PCDHA1: variants seen among roughly 807,000 people sequenced by gnomAD.
PCDHA1 encodes the protein protocadherin alpha-1.
Under a neutral mutation model 61.3 loss-of-function variants are expected in PCDHA1, and 42 were observed. That is an observed-to-expected ratio of 0.69 (90% CI 0.54 to 0.89). PCDHA1 has a LOEUF of 0.89. Ranked by LOEUF, PCDHA1 falls within the 40% of genes least tolerant of loss-of-function variation. The pLI is 0.00. For synonymous variants in PCDHA1, 610 were observed against 553.8 expected (o/e 1.10, Z -1.43); for missense variants, 1,256 against 1,235.3 (o/e 1.02, Z -0.25).
chr5:140,988,152 C>G (rs2153871090), intron 3 of PCDHA1, among the ~76,000 whole-genome samples: 1 of 152,258 alleles, frequency 6.6e-6, no homozygotes, highest in East Asian at 1.9e-4. Flanking sequence ...ACCTCAACTT[C>G]TGCCGTTGTC....
At chr5:140,851,516 TA>T in intron 1 of PCDHA1, 1 of 906,320 alleles carries the variant, frequency 1.1e-6, no homozygotes, top group Non-Finnish European at 1.3e-6. Flanking sequence ...AAATATGTTT[TA>T]AAATGCCTGA....
At chr5:140,845,420 A>T (rs954218239) in intron 1 of PCDHA1, among the ~76,000 whole-genome samples, 2 of 149,530 alleles carry the variant, frequency 1.3e-5, no homozygotes, top group Admixed American at 6.7e-5. Flanking sequence ...GCAATTTATC[A>T]TTTAAGTCAT....
chr5:140,795,059 G>C lies in PCDHA1; in HGVS notation c.2394+6375G>C, dbSNP rs563648142. 4 of 1,613,784 alleles carry C rather than the reference G, an allele frequency of 2.5e-6. No individual in the cohort carries two copies. In the African/African-American group the frequency reaches 5.3e-5, roughly 22 times the overall value. ...TGGGAGGTGGGGAGCGGCCAGCTCC[G>C]CTACTCCGTCCCCGAGGAGGCCAAA... On this transcript the variant is annotated intron_variant, in intron 1 of 3. Coordinates refer to ENST00000504120, the MANE Select transcript of PCDHA1 (RefSeq NM_018900.4).
intron 1 of PCDHA1, chr5:140,808,457 G>A (rs1554124562): frequency 6.2e-7 from 1 of 1,614,204 alleles, no homozygotes; most frequent in East Asian, 2.2e-5. Context: ...CTATGAGCTG[G>A]TGGTGACCGC....
intron 1 of PCDHA1, chr5:140,835,557 C>CG: frequency 5.0e-6 from 8 of 1,613,936 alleles, no homozygotes; most frequent in African/African-American, 1.3e-5. Context: ...CCTGACGCCC[C>CG]GCGTTCCCTT....
At chr5:140,948,371 T>G (rs1310252601) in intron 1 of PCDHA1, among the ~76,000 whole-genome samples, 1 of 151,586 alleles carries the variant, frequency 6.6e-6, no homozygotes, top group Non-Finnish European at 1.5e-5. Flanking sequence ...TTAGGAGGTG[T>G]TCCTTCCTCT....
rs1274071202 is a variant in PCDHA1, at chr5:140,805,271, A to G, written c.2394+16587A>G. Reference sequence around the variant, plus strand: ...ATTAAAATACCTGGTAAATGAAAATATTACAAATGAAATGGGTGAAAATGG... The same window carrying G: ...ATTAAAATACCTGGTAAATGAAAATGTTACAAATGAAATGGGTGAAAATGG... On this transcript the variant is annotated intron_variant, in intron 1 of 3. Transcript: ENST00000504120. 2.3e-6 allele frequency: 3 copies of G among 1,284,020 alleles called. No homozygotes were observed. The African/African-American group carries it at 4.6e-5, about 20-fold the overall frequency. 79.5% of individuals were successfully genotyped at this position (1,284,020 alleles called of 1,614,324 possible). A position where few individuals can be genotyped will look rare whatever the true frequency, so the allele number is the denominator to read the frequency against.
At chr5:140,919,127 T>A (rs2079016296) in intron 1 of PCDHA1, among the ~76,000 whole-genome samples, 1 of 152,192 alleles carries the variant, frequency 6.6e-6, no homozygotes, top group East Asian at 1.9e-4. Flanking sequence ...TTGCTTCATG[T>A]GTTTTGGGGC....
intron 1 of PCDHA1, chr5:140,807,254 G>A (rs1367583489): frequency 1.1e-5 from 18 of 1,614,118 alleles, no homozygotes; most frequent in Non-Finnish European, 1.4e-5. Context: ...TCTCCTCGCA[G>A]CCTGGGAGGC....
At chr5:140,842,322 G>A in intron 1 of PCDHA1, 1 of 1,607,612 alleles carries the variant, frequency 6.2e-7, no homozygotes, top group Non-Finnish European at 8.5e-7. Flanking sequence ...GCGGGTCATT[G>A]CACCGTTTTA....
chr5:140,956,408 C>T (rs1192859348), intron 1 of PCDHA1, among the ~76,000 whole-genome samples: 1 of 152,122 alleles, frequency 6.6e-6, no homozygotes, highest in Non-Finnish European at 1.5e-5. Context: ...TTGAGATAAT[C>T]ATGTGGGTTT....
chr5:140,939,175 C>A (rs2092330886), intron 1 of PCDHA1, among the ~76,000 whole-genome samples: 1 of 152,010 alleles, frequency 6.6e-6, no homozygotes, highest in African/African-American at 2.4e-5. Context: ...TGGTAATGGC[C>A]CACTCCCTGG....
At chr5:141,004,434 G>T (rs1383958111) in intron 3 of PCDHA1, among the ~76,000 whole-genome samples, 2 of 152,186 alleles carry the variant, frequency 1.3e-5, no homozygotes, top group Non-Finnish European at 2.9e-5. Flanking sequence ...TGGAGTTTAG[G>T]CTGAGTCATA....
At chr5:140,849,967 C>T (rs2150460775) in intron 1 of PCDHA1, 1 of 1,597,834 alleles carries the variant, frequency 6.3e-7, no homozygotes, top group East Asian at 2.2e-5. Flanking sequence ...GCCCTGGTGT[C>T]CTACTCGCTG....
At chr5:140,797,095 T>A (rs782272538) in intron 1 of PCDHA1, 4 of 1,613,926 alleles carry the variant, frequency 2.5e-6, no homozygotes, top group Non-Finnish European at 3.4e-6. Context: ...ATCCAGCCTG[T>A]TGGTGCTCAC....
At chr5:140,984,968 C>T (rs1380988893) in intron 3 of PCDHA1, among the ~76,000 whole-genome samples, 1 of 151,950 alleles carries the variant, frequency 6.6e-6, no homozygotes, top group South Asian at 2.1e-4. Flanking sequence ...GACAGAGTCT[C>T]GCTCTGTCCC....
At chr5:140,857,506 C>A in intron 1 of PCDHA1, 2 of 1,598,276 alleles carry the variant, frequency 1.3e-6, no homozygotes, top group Non-Finnish European at 1.7e-6. Flanking sequence ...CGCAGGAGAA[C>A]GCCCTGGTGT....
At chr5:140,918,515 T>C (rs1000500676) in intron 1 of PCDHA1, among the ~76,000 whole-genome samples, 1 of 152,224 alleles carries the variant, frequency 6.6e-6, no homozygotes, top group African/African-American at 2.4e-5. Flanking sequence ...TTTAAACTTA[T>C]TGAGGATTGT....
At chr5:140,794,872 T>A in intron 1 of PCDHA1, 1 of 1,347,756 alleles carries the variant, frequency 7.4e-7, no homozygotes, top group South Asian at 1.4e-5. Context: ...AGCGGAGGAA[T>A]AAGAGAAGCA....
Sources: gnomAD v4.1 joint callset for allele counts (sites outside exome capture counted in the v4.1 genomes callset) on GRCh38, gnomAD v4.1.1 for gene constraint, MANE v1.5 for transcripts, NCBI Gene and HGNC (gene_info 2026-07-23, HGNC 2026-07-21) for gene names.